ANKAR: variants seen among roughly 807,000 people sequenced by gnomAD.
ANKAR encodes ankyrin and armadillo repeat containing, also known as ankyrin and armadillo repeat-containing protein.
A neutral mutation model predicts 146.2 loss-of-function variants in ANKAR; 136 were observed. That is an observed-to-expected ratio of 0.93 (90% CI 0.81 to 1.07). ANKAR has a LOEUF of 1.07. Ranked by LOEUF, ANKAR falls within the 50% of genes least tolerant of loss-of-function variation. The pLI, the probability that ANKAR is intolerant of heterozygous loss-of-function variation, is 0.00. For synonymous variants in ANKAR, 500 were observed against 575.8 expected, an observed-to-expected ratio of 0.87 and a Z score of 1.88; for missense variants, 1,567 against 1,679.9, an observed-to-expected ratio of 0.93 and a Z score of 1.18.
rs1202754684 is a variant in ANKAR, at chr2:189,695,024, C to A, written c.1351C>A (p.Leu451Ile). Residue 451 changes from leucine (L) to isoleucine (I), a missense_variant, in exon 6 of 23, where the codon CTA becomes ATA. Coordinates refer to ENST00000684021, the MANE Select transcript of ANKAR (RefSeq NM_001378068.1). ...TGAACTAGAAACTTTCTATCAGCAA[C>A]TATATAAGACACAGTGGTGGGGAGC... Reference protein sequence around the residue: ...YFELETFYQQLYKTQWWGAIN... With the variant: ...YFELETFYQQIYKTQWWGAIN... The A allele has an allele frequency of 6.4e-7, 1 of 1,574,242 alleles. No homozygotes were observed.
In ANKAR at chr2:189,743,480, G is replaced by T. The variant is rs1423544132; in HGVS notation, c.4010+6G>T. 1 of 1,610,966 alleles carries T rather than the reference G, an allele frequency of 6.2e-7. No homozygotes were observed. ...GTGGGACTTCCTTCCTTAAGGTATGGTCCTATGTTAGAAGTTGCAGTAGTG... is the reference window on the plus strand; with the variant it reads ...GTGGGACTTCCTTCCTTAAGGTATGTTCCTATGTTAGAAGTTGCAGTAGTG... On this transcript the variant is annotated splice_donor_region_variant and intron_variant, in intron 21 of 22. Coordinates refer to ENST00000684021, the MANE Select transcript of ANKAR (RefSeq NM_001378068.1).
Position 189,719,813 on chromosome 2 carries a change from T to C in ANKAR, c.2466T>C (p.Tyr822=), listed in dbSNP as rs1383589733. 6.4e-7 allele frequency: 1 copy of C among 1,560,746 alleles called. No individual in the cohort carries two copies. Among genetic ancestry groups the C allele is most frequent in the Non-Finnish European group, 8.8e-7 (1 of 1,141,244 alleles). The change falls in exon 11 of 23, where the codon TAT becomes TAC. Residue 822 remains tyrosine, a splice_region_variant and synonymous_variant. Coordinates refer to ENST00000684021, the MANE Select transcript of ANKAR (RefSeq NM_001378068.1). ...QCENKDVIAK[Y]NGIPSLINLL... ...AAAACAAGGATGTTATTGCCAAATA[T>C]GTAAGTTCCTTTCATATACAATTAT...
At chr2:189,686,351 A>G (rs1303937247) in intron 2 of ANKAR, among the ~76,000 whole-genome samples, 6 of 152,210 alleles carry the variant, frequency 3.9e-5, no homozygotes, top group Non-Finnish European at 5.9e-5. Flanking sequence ...TCAAGCCTAA[A>G]TTAAGGGTAA....
chr2:189,689,775 A>G lies in ANKAR; in HGVS notation c.850A>G (p.Thr284Ala), dbSNP rs767616224. 1.6e-5 allele frequency: 25 copies of G among 1,611,774 alleles called. No individual in the cohort carries two copies. The highest frequency in any genetic ancestry group is 2.1e-5 in the Non-Finnish European group (25 of 1,178,884). ...TAATCAGGATTATCTTGATATCTGT[A>G]CCTACCAGAGACTACAGCAAAGATT... ...KYNQDYLDICTYQRLQQRLYL... is the reference protein window; with the variant it reads ...KYNQDYLDICAYQRLQQRLYL... Residue 284 changes from threonine (T) to alanine (A), a missense_variant, in exon 3 of 23, where the codon ACC becomes GCC. Thr to Ala is a moderately conservative substitution (Grantham distance 58, BLOSUM62 0). Transcript: ENST00000684021.
At chr2:189,728,851 T>C (rs781083711) in intron 15 of ANKAR, 30 bp downstream of exon 15, 1 of 1,589,690 alleles carries the variant, frequency 6.3e-7, no homozygotes, top group South Asian at 1.1e-5. Flanking sequence ...ATTTCTTAAA[T>C]ATCTGTAAGA....
At chr2:189,755,346 G>A (rs1381237381) in intron 18 of ANKAR, 1 of 1,613,446 alleles carries the variant, frequency 6.2e-7, no homozygotes, top group Middle Eastern at 1.6e-4. Context: ...TCCATATGAT[G>A]AATGGGAATG....
chr2:189,723,170 T>A (rs1443076029), intron 12 of ANKAR, among the ~76,000 whole-genome samples: 1 of 152,184 alleles, frequency 6.6e-6, no homozygotes, highest in Non-Finnish European at 1.5e-5. Context: ...AGATTTCATG[T>A]ATTAAAATGG....
intron 17 of ANKAR, among the ~76,000 whole-genome samples, chr2:189,736,503 TGTGTG>T (rs1221308099): frequency 7.4e-6 from 1 of 134,394 alleles, no homozygotes; most frequent in African/African-American, 3.0e-5. Flanking sequence ...GACTGGGTTT[TGTGTG>T]TGTGTGTGTG....
At chr2:189,755,537 G>A (rs2106015806) in intron 18 of ANKAR, 1 of 1,599,420 alleles carries the variant, frequency 6.3e-7, no homozygotes, top group South Asian at 1.1e-5. Context: ...CTGTTGAGCT[G>A]CTGGAGGAAC....
At chr2:189,694,178 CGT>C (rs2105821559) in intron 5 of ANKAR, among the ~76,000 whole-genome samples, 1 of 152,136 alleles carries the variant, frequency 6.6e-6, no homozygotes, top group Admixed American at 6.5e-5. Context: ...TGAAGTGACC[CGT>C]GATTGCGCCA....
Position 189,728,677 on chromosome 2 carries a change from G to T in ANKAR, c.3049G>T (p.Ala1017Ser), listed in dbSNP as rs1179199016. The T allele has an allele frequency of 6.2e-7, 1 of 1,613,718 alleles. No individual in the cohort carries two copies. The highest frequency in any genetic ancestry group is 8.5e-7 in the Non-Finnish European group (1 of 1,179,844). Residue 1017 changes from alanine (A) to serine (S), a missense_variant, in exon 15 of 23, where the codon GCT (alanine) becomes TCT (serine). Ala to Ser is a moderately conservative substitution (Grantham distance 99). Coordinates refer to ENST00000684021, the MANE Select transcript of ANKAR (RefSeq NM_001378068.1). ...MQYVGGEAVIALSKDSRMHQN... is the reference protein window; with the variant it reads ...MQYVGGEAVISLSKDSRMHQN... ...TTTATCAGGAGGTGAAGCTGTCATAGCTCTAAGTAAGGACAGCAGGATGCA... is the reference window on the plus strand; with the variant it reads ...TTTATCAGGAGGTGAAGCTGTCATATCTCTAAGTAAGGACAGCAGGATGCA...
intron 6 of ANKAR, among the ~76,000 whole-genome samples, chr2:189,695,620 C>G (rs1042040956): frequency 6.6e-6 from 1 of 152,196 alleles, no homozygotes; most frequent in Admixed American, 6.5e-5. Context: ...TTTCAACAAG[C>G]CTTGAAGTAC....
At chr2:189,686,076 C>G (rs1157324094) in intron 2 of ANKAR, among the ~76,000 whole-genome samples, 2 of 152,200 alleles carry the variant, frequency 1.3e-5, no homozygotes, top group Non-Finnish European at 2.9e-5. Flanking sequence ...AACAATCCCT[C>G]TGGCTTTTTA....
chr2:189,708,470 C>G (rs965282164), intron 9 of ANKAR, among the ~76,000 whole-genome samples: 16 of 152,192 alleles, frequency 1.1e-4, no homozygotes, highest in African/African-American at 3.9e-4. Context: ...ACTGTACTTA[C>G]AGTCCTCATA....
chr2:189,692,521 C>A, intron 4 of ANKAR, 103 bp downstream of exon 4: 2 of 978,196 alleles, frequency 2.0e-6, no homozygotes, highest in Non-Finnish European at 3.0e-6. Flanking sequence ...GACAGCTCTC[C>A]AAATGATTAT....
chr2:189,738,590 G>A lies in ANKAR; in HGVS notation c.3608G>A (p.Arg1203Lys). Residue 1203 changes from arginine (R) to lysine (K), a missense_variant, in exon 19 of 23, where the codon AGA becomes AAA. Arg to Lys is a conservative substitution (Grantham distance 26). Transcript: ENST00000684021. ...ATTGTTGTACTGGCTAAAGTCATTAGAGATATGGACCATATTACTTTGTCT... is the reference window on the plus strand; with the variant it reads ...ATTGTTGTACTGGCTAAAGTCATTAAAGATATGGACCATATTACTTTGTCT... ...FQIVVLAKVI[R>K]DMDHITLSAR... is the part of the protein sequence containing the mutation. 6.2e-7 allele frequency: 1 copy of A among 1,608,440 alleles called. No individual in the cohort carries two copies. The highest frequency in any genetic ancestry group is 8.5e-7 in the Non-Finnish European group (1 of 1,176,738).
chr2:189,675,373 T>C (rs1389818894), intron 1 of ANKAR, among the ~76,000 whole-genome samples: 6 of 152,130 alleles, frequency 3.9e-5, no homozygotes, highest in African/African-American at 1.4e-4. Flanking sequence ...CCTTTTCTTT[T>C]TCTTTTTTTT....
chr2:189,697,604 A>C (rs1435092332), intron 7 of ANKAR, among the ~76,000 whole-genome samples: 4 of 152,194 alleles, frequency 2.6e-5, no homozygotes, highest in Non-Finnish European at 4.4e-5. Context: ...AATGAACCTA[A>C]TTAAAATAAG....
intron 4 of ANKAR, 41 bp downstream of exon 4, chr2:189,692,459 C>T: frequency 3.9e-6 from 6 of 1,554,222 alleles, no homozygotes; most frequent in Non-Finnish European, 5.2e-6. Flanking sequence ...CATTTCACAA[C>T]TCTTTTATCC....
Sources: allele counts gnomAD v4.1 joint callset (sites outside exome capture counted in the v4.1 genomes callset), GRCh38; gene constraint gnomAD v4.1.1; transcripts MANE v1.5; gene names NCBI Gene and HGNC (gene_info 2026-07-23, HGNC 2026-07-21).